The following NAA60 variants were observed in gnomAD, a reference collection of about 807,000 sequenced individuals.
NAA60 encodes the protein N-alpha-acetyltransferase 60.
In NAA60, 8 loss-of-function variants were observed where a neutral mutation model predicts 26.1. The ratio of observed to expected loss-of-function variants is 0.31; its 90% CI spans 0.18 to 0.55. The LOEUF (loss-of-function observed/expected upper bound fraction) is 0.55. Ranked by LOEUF, NAA60 falls within the 20% of genes least tolerant of loss-of-function variation. NAA60 has a pLI of 0.93. For synonymous variants in NAA60, 131 were observed against 122.5 expected (o/e 1.07, Z -0.46); for missense variants, 290 against 311.3 (o/e 0.93, Z 0.51).
intron 2 of NAA60, among the ~76,000 whole-genome samples, chr16:3,459,665 T>G (rs39730): frequency 0.2 from 30,328 of 151,890 alleles, 3,039 homozygotes; most frequent in African/African-American, 0.23. Context: ...TTGCAGACAC[T>G]GTGGGTTTCT....
intron 2 of NAA60, chr16:3,457,999 C>G (rs1596299169): frequency 1.0e-6 from 1 of 985,366 alleles, no homozygotes; most frequent in Non-Finnish European, 1.2e-6. Flanking sequence ...GGCTTCCGGG[C>G]TGCGCTGCCG....
In NAA60 at chr16:3,484,465, C is replaced by G; in HGVS notation, c.573-234C>G. The G allele has an allele frequency of 8.4e-6, 5 of 591,822 alleles. No homozygotes were observed. In the South Asian group the frequency reaches 1.0e-4, roughly 12 times the overall value. The allele number at this position is 591,822 out of a possible 1,614,324, so 36.7% of individuals were successfully genotyped here. On this transcript the variant is annotated intron_variant, in intron 6 of 7. Transcript: ENST00000407558. ...GGGTGTGGTGTCCACATGCCTGCTG[C>G]CTCACTCAGAAGGCCCTTCTGTCCC...
intron 5 of NAA60, chr16:3,482,912 C>T (rs935656332): frequency 7.8e-6 from 4 of 510,992 alleles, no homozygotes; most frequent in Admixed American, 3.3e-5. Flanking sequence ...ACGCACAACT[C>T]GTGTATTCAC....
chr16:3,482,627 G>GGC, intron 5 of NAA60, 29 bp downstream of exon 5: 3 of 1,516,916 alleles, frequency 2.0e-6, no homozygotes, highest in Non-Finnish European at 8.9e-7. Context: ...GCGGCTTGGC[G>GGC]CCCACCCCAC....
chr16:3,449,013 GC>G (rs1382247834), intron 2 of NAA60: 4 of 152,906 alleles, frequency 2.6e-5, no homozygotes, highest in African/African-American at 9.7e-5. Context: ...TTACACACTT[GC>G]ATCATTTTAT....
intron 1 of NAA60, among the ~76,000 whole-genome samples, chr16:3,444,785 C>T (rs954219645): frequency 2.6e-5 from 4 of 152,136 alleles, no homozygotes; most frequent in Non-Finnish European, 4.4e-5. Context: ...CAATAGAATC[C>T]AGGTAAAATA....
intron 2 of NAA60, chr16:3,467,835 G>A (rs1393081547): frequency 6.6e-6 from 1 of 152,202 alleles, no homozygotes; most frequent in African/African-American, 2.4e-5. Context: ...AGGGTATCCA[G>A]GTTCTTGACA....
At chr16:3,473,791 G>A (rs1438588757) in intron 2 of NAA60, among the ~76,000 whole-genome samples, 2 of 152,078 alleles carry the variant, frequency 1.3e-5, no homozygotes, top group African/African-American at 4.8e-5. Flanking sequence ...CTGGAGTGCA[G>A]TGGTGCGATC....
intron 2 of NAA60, among the ~76,000 whole-genome samples, chr16:3,460,122 A>G (rs2150963273): frequency 6.6e-6 from 1 of 152,296 alleles, no homozygotes; most frequent in South Asian, 2.1e-4. Context: ...AGATGCAGAG[A>G]AGAGGCTTCA....
chr16:3,444,513 C>G (rs183804329), intron 1 of NAA60, among the ~76,000 whole-genome samples: 1 of 152,272 alleles, frequency 6.6e-6, no homozygotes, highest in East Asian at 1.9e-4. Flanking sequence ...CAACATATTT[C>G]CTTATTCCAG....
intron 1 of NAA60, among the ~76,000 whole-genome samples, chr16:3,446,907 G>C (rs1567359121): frequency 2.0e-5 from 3 of 151,822 alleles, no homozygotes; most frequent in Admixed American, 1.3e-4. Flanking sequence ...CACCGCACCT[G>C]GCCTGCTCAC....
At position 3,479,385 on chromosome 16, in the gene NAA60, A is replaced by G. The variant is rs1192948657; in HGVS notation, c.111-86A>G. ...AGAGCAGCAGGCAGAAGTGGCCCAG[A>G]GCTCCCTGTGGTTCTGATGTCTAGA... On this transcript the variant is annotated intron_variant, in intron 3 of 7. Coordinates refer to ENST00000407558, the MANE Select transcript of NAA60 (RefSeq NM_001083601.3). 3.4e-6 allele frequency: 5 copies of G among 1,466,490 alleles called. No individual in the cohort carries two copies. The African/African-American group carries it at 5.6e-5, about 16-fold the overall frequency. The allele number at this position is 1,466,490 out of a possible 1,614,324, so 90.8% of individuals were successfully genotyped here. A position where few individuals can be genotyped will look rare whatever the true frequency, so the allele number is the denominator to read the frequency against.
At chr16:3,447,524 G>A in intron 1 of NAA60, 1 of 985,332 alleles carries the variant, frequency 1.0e-6, no homozygotes, top group Non-Finnish European at 1.2e-6. Context: ...CATAAGTATG[G>A]CTCTGGTTCT....
At position 3,486,156 on chromosome 16, in the gene NAA60, G is replaced by C. The variant is rs1034854200; in HGVS notation, c.*896G>C. The C allele has an allele frequency of 1.7e-5, 3 of 172,124 alleles. No homozygotes were observed. The highest frequency in any genetic ancestry group is 7.2e-5 in the African/African-American group (3 of 41,716). 10.7% of individuals were successfully genotyped at this position (172,124 alleles called of 1,614,324 possible). On this transcript the variant is annotated 3_prime_UTR_variant, in exon 8 of 8. Transcript: ENST00000407558. ...GGCTGCCATCTGTCTTGTAGGGCCTGGCCTTGTGGGCAGGGGGCAGTCCTG... is the reference window on the plus strand; with the variant it reads ...GGCTGCCATCTGTCTTGTAGGGCCTCGCCTTGTGGGCAGGGGGCAGTCCTG...
intron 2 of NAA60, among the ~76,000 whole-genome samples, chr16:3,475,371 T>G (rs2151002014): frequency 6.6e-6 from 1 of 152,198 alleles, no homozygotes; most frequent in Middle Eastern, 3.4e-3. Flanking sequence ...ATTACAGGCG[T>G]GAGCCATCAC....
chr16:3,453,576 T>A, intron 2 of NAA60, among the ~76,000 whole-genome samples: 1 of 151,892 alleles, frequency 6.6e-6, no homozygotes, highest in African/African-American at 2.4e-5. Flanking sequence ...GCCTGGCTAA[T>A]TTTGTATTTT....
intron 6 of NAA60, chr16:3,483,832 A>T: frequency 1.9e-6 from 1 of 531,952 alleles, no homozygotes; most frequent in Non-Finnish European, 3.3e-6. Context: ...AGCTCAAATG[A>T]TCCGCCTGCC....
At chr16:3,480,596 T>TAAA (rs199584965) in intron 4 of NAA60, among the ~76,000 whole-genome samples, 1 of 130,000 alleles carries the variant, frequency 7.7e-6, no homozygotes, top group Non-Finnish European at 1.6e-5. Flanking sequence ...AGACTTCGTC[T>TAAA]AAAAAAAAAA....
At chr16:3,482,662 C>T in intron 5 of NAA60, 64 bp downstream of exon 5, 1 of 1,107,442 alleles carries the variant, frequency 9.0e-7, no homozygotes, top group Non-Finnish European at 1.3e-6. Context: ...CCACCCCCAT[C>T]CCATCTGCAC....
Sources: allele counts gnomAD v4.1 joint callset (sites outside exome capture counted in the v4.1 genomes callset), GRCh38; gene constraint gnomAD v4.1.1; transcripts MANE v1.5; gene names NCBI Gene and HGNC (gene_info 2026-07-23, HGNC 2026-07-21).